DST: variants seen among roughly 807,000 people sequenced by gnomAD.
The protein encoded by DST is dystonin, also known as bullous pemphigoid antigen.
DST carries 253 observed loss-of-function variants against 875.2 expected under a neutral mutation model. That is an observed-to-expected ratio of 0.29 (90% CI 0.26 to 0.32). The LOEUF (loss-of-function observed/expected upper bound fraction) is 0.32, where lower values mean the gene tolerates loss of function less well. Among genes scored for constraint, DST ranks in the 10% least tolerant of loss-of-function variants. The pLI is 1.00. For missense variants in DST, 8,287 were observed against 9,111.6 expected (o/e 0.91, Z 3.68); for synonymous variants, 3,124 against 3,197.1 (o/e 0.98, Z 0.77).
intron 4 of DST, among the ~76,000 whole-genome samples, chr6:56,776,416 A>T (rs1327352817): frequency 2.6e-5 from 4 of 152,208 alleles, no homozygotes; most frequent in Admixed American, 1.3e-4. Context: ...TCAAGTATGG[A>T]ATTTAATTAA....
At chr6:56,886,683 G>A (rs1784795765) in intron 3 of DST, among the ~76,000 whole-genome samples, 2 of 151,232 alleles carry the variant, frequency 1.3e-5, no homozygotes, top group African/African-American at 4.9e-5. Flanking sequence ...GCTGAGGCAG[G>A]AGAATTGCTT....
In DST at chr6:56,470,781, A is replaced by AACACACAC. The variant is rs67009040; in HGVS notation, c.22321+317_22321+324dup. Among the ~76,000 whole-genome samples the AACACACAC allele has an allele frequency of 9.8e-3, 1,380 of 141,502 alleles. 13 individuals carry two copies. The highest frequency in any genetic ancestry group is 0.017 in the African/African-American group (642 of 38,304). 92.8% of individuals were successfully genotyped at this position (141,502 alleles called of 152,430 possible). On this transcript the variant is annotated intron_variant, in intron 95 of 103. Coordinates refer to ENST00000680361, the MANE Select transcript of DST (RefSeq NM_001374736.1). Reference sequence around the variant, plus strand: ...ACTTCCTATTACACATATGCCAGGCAACACACACACACACACACACACACA... The same window carrying AACACACAC: ...ACTTCCTATTACACATATGCCAGGCAACACACACACACACACACACACACACACACACA...
intron 69 of DST, among the ~76,000 whole-genome samples, chr6:56,522,976 A>G (rs887339072): frequency 3.6e-4 from 55 of 152,232 alleles, no homozygotes; most frequent in African/African-American, 1.3e-3. Context: ...AAGATATGCT[A>G]CTCTGCGTAG....
intron 37 of DST, among the ~76,000 whole-genome samples, chr6:56,612,108 G>A (rs2098550411): frequency 2.0e-5 from 3 of 152,232 alleles, no homozygotes; most frequent in African/African-American, 7.2e-5. Context: ...AGTGGCTCAT[G>A]CCTGTAATCC....
At chr6:56,761,034 T>C (rs1160233988) in intron 4 of DST, among the ~76,000 whole-genome samples, 2 of 152,212 alleles carry the variant, frequency 1.3e-5, no homozygotes, top group African/African-American at 4.8e-5. Context: ...GACTAGGTCA[T>C]AAAAAGCAAT....
rs1440753446 is a variant in DST at position 56,607,935 on chromosome 6, G to A, written c.6693C>T (p.Gly2231=). The A allele has an allele frequency of 7.4e-6, 12 of 1,613,592 alleles. No homozygotes were observed. Among genetic ancestry groups the A allele is most frequent in the Middle Eastern group, 1.6e-4 (1 of 6,062 alleles). The change falls in exon 40 of 104, where the codon GGC becomes GGT. Residue 2231 remains glycine (G), a synonymous_variant. Transcript: ENST00000680361. Reference sequence around the variant, plus strand: ...CTGCATGACAGCCTTCCAGTAGCATGCCAACAGCCTCATCCAAGTCTCCAT... The same window carrying A: ...CTGCATGACAGCCTTCCAGTAGCATACCAACAGCCTCATCCAAGTCTCCAT... ...LYDGDLDEAV[G]MLLEGCHAEF... is the part of the protein sequence containing the mutation.
chr6:56,617,965 G>T (rs2098644426), intron 36 of DST: 1 of 1,595,290 alleles, frequency 6.3e-7, no homozygotes, highest in Non-Finnish European at 8.6e-7. Flanking sequence ...AGCTGATAAG[G>T]TCTCAGAACA....
intron 36 of DST, chr6:56,620,645 A>T (rs749724586): frequency 6.2e-7 from 1 of 1,614,188 alleles, no homozygotes; most frequent in East Asian, 2.2e-5. Flanking sequence ...ATTCTCAAGC[A>T]CTGTTGCCTT....
chr6:56,769,161 G>A (rs767466205), intron 4 of DST, among the ~76,000 whole-genome samples: 3 of 152,082 alleles, frequency 2.0e-5, no homozygotes, highest in Non-Finnish European at 4.4e-5. Flanking sequence ...TTTACTAAAG[G>A]AAATATACAG....
At chr6:56,879,068 C>G (rs1383188222) in intron 3 of DST, among the ~76,000 whole-genome samples, 1 of 152,130 alleles carries the variant, frequency 6.6e-6, no homozygotes, top group African/African-American at 2.4e-5. Context: ...TCTTTGCACT[C>G]GAATCAATAA....
At chr6:56,825,108 G>A (rs1236922003) in intron 4 of DST, among the ~76,000 whole-genome samples, 2 of 151,684 alleles carry the variant, frequency 1.3e-5, no homozygotes, top group Non-Finnish European at 2.9e-5. Context: ...CCGTGTCTGT[G>A]TAGAAAGAAG....
At chr6:56,712,045 C>T (rs901257596) in intron 5 of DST, among the ~76,000 whole-genome samples, 9 of 145,046 alleles carry the variant, frequency 6.2e-5, no homozygotes, top group African/African-American at 2.3e-4. Flanking sequence ...GAGCCGAGAT[C>T]CCGCCACTGC....
In DST at chr6:56,645,875, T is replaced by G. The variant is rs1365786769; in HGVS notation, c.1769A>C (p.Glu590Ala). Reference sequence around the variant, plus strand: ...AACACCTCTGGCCTACCTTTCTACTTCTGGACGAAGGGCCTTCTCTCTCTC... The same window carrying G: ...AACACCTCTGGCCTACCTTTCTACTGCTGGACGAAGGGCCTTCTCTCTCTC... The part of the protein sequence containing the change: ...MLEREKALRP[E>A]VERLEMLQQI... Residue 590 changes from glutamate (E) to alanine (A), a missense_variant, in exon 15 of 104, where the codon GAA becomes GCA. Physicochemically the swap from Glu to Ala is moderately radical, Grantham distance 107. Around this residue, in one of 10 missense-constraint regions of DST, gnomAD observed 1,160 missense variants for 1,424.3 expected, o/e 0.81. Coordinates refer to ENST00000680361, the MANE Select transcript of DST (RefSeq NM_001374736.1). 19 of 1,613,538 alleles carry G rather than the reference T, an allele frequency of 1.2e-5. No homozygotes were observed. Among genetic ancestry groups the G allele is most frequent in the Non-Finnish European group, 1.6e-5 (19 of 1,179,716 alleles).
chr6:56,834,719 T>C (rs1027834516), intron 4 of DST, among the ~76,000 whole-genome samples: 2 of 152,160 alleles, frequency 1.3e-5, no homozygotes, highest in African/African-American at 4.8e-5. Flanking sequence ...CAAATGCTGA[T>C]AGGATGTGTA....
At chr6:56,696,174 T>A (rs940428047) in intron 9 of DST, among the ~76,000 whole-genome samples, 3 of 152,156 alleles carry the variant, frequency 2.0e-5, no homozygotes, top group Non-Finnish European at 4.4e-5. Flanking sequence ...CTTTTTTTAT[T>A]TTTTTGAGAC....
chr6:56,827,114 T>C (rs1195452779), intron 4 of DST, among the ~76,000 whole-genome samples: 1 of 152,200 alleles, frequency 6.6e-6, no homozygotes, highest in Non-Finnish European at 1.5e-5. Flanking sequence ...AGAAATTCAC[T>C]TGTCAGTTCC....
intron 61 of DST, among the ~76,000 whole-genome samples, chr6:56,538,582 G>T (rs936583736): frequency 3.9e-5 from 6 of 152,054 alleles, no homozygotes; most frequent in Admixed American, 2.6e-4. Context: ...TCCAGACTCT[G>T]GTCTAAGGCC....
chr6:56,811,006 A>AC (rs1039145635), intron 4 of DST, among the ~76,000 whole-genome samples: 19 of 151,024 alleles, frequency 1.3e-4, no homozygotes, highest in South Asian at 2.1e-4. Context: ...ACATAGTGAG[A>AC]CCCCCCATCT....
At chr6:56,778,349 TTC>T (rs1457136140) in intron 4 of DST, among the ~76,000 whole-genome samples, 27 of 150,662 alleles carry the variant, frequency 1.8e-4, no homozygotes, top group African/African-American at 6.5e-4. Flanking sequence ...CCTTATTCTT[TTC>T]TCTTTTTTTT....
Sources: allele counts gnomAD v4.1 joint callset (sites outside exome capture counted in the v4.1 genomes callset), GRCh38; gene constraint gnomAD v4.1.1; regional missense constraint gnomAD v4.1.1; transcripts MANE v1.5; gene names NCBI Gene and HGNC (gene_info 2026-07-23, HGNC 2026-07-21).